Variants in PAIP2B observed in about 807,000 individuals in gnomAD.
PAIP2B encodes the protein polyadenylate-binding protein-interacting protein 2B.
Under a neutral mutation model 17.0 loss-of-function variants are expected in PAIP2B, and 13 were observed. That is an observed-to-expected ratio of 0.76 (90% CI 0.50 to 1.22). PAIP2B has a LOEUF of 1.22. Ranked by LOEUF, PAIP2B falls within the 50% of genes most tolerant of loss-of-function variation. The pLI is 0.00. For missense variants in PAIP2B, 117 were observed against 144.5 expected (o/e 0.81, Z 0.98); for synonymous variants, 43 against 48.7 (o/e 0.88, Z 0.48).
rs373094604 is a variant in PAIP2B, at chr2:71,188,373, G to A, written c.*106C>T. On this transcript the variant is annotated 3_prime_UTR_variant, in exon 4 of 4. Transcript: ENST00000244221. ...TTGTGAGACCACCACTCCCCTTCCC[G>A]CTGTGCACCCCTCGCCCGCCCCATC... 1.4e-5 allele frequency: 12 copies of A among 850,606 alleles called. No individual in the cohort carries two copies. Among genetic ancestry groups the A allele is most frequent in the Middle Eastern group, 2.6e-4 (1 of 3,816 alleles). The allele number at this position is 850,606 out of a possible 1,614,324, so 52.7% of individuals were successfully genotyped here. A position where few individuals can be genotyped will look rare whatever the true frequency, so the allele number is the denominator to read the frequency against.
chr2:71,190,072 C>T (rs1462514395), intron 2 of PAIP2B, 51 bp from the exon 3 acceptor site: 2 of 1,522,970 alleles, frequency 1.3e-6, no homozygotes, highest in Non-Finnish European at 1.8e-6. Flanking sequence ...CAAGACTTAC[C>T]CCTTCCAGTT....
At chr2:71,208,985 A>T (rs1419621217) in intron 1 of PAIP2B, among the ~76,000 whole-genome samples, 2 of 152,208 alleles carry the variant, frequency 1.3e-5, no homozygotes, top group Non-Finnish European at 1.5e-5. Flanking sequence ...TTAAGATACC[A>T]GTTTGTGGTA....
At chr2:71,196,440 T>C (rs1326706515) in intron 2 of PAIP2B, among the ~76,000 whole-genome samples, 1 of 152,210 alleles carries the variant, frequency 6.6e-6, no homozygotes, top group African/African-American at 2.4e-5. Flanking sequence ...ATGTGGTCAA[T>C]TTTAAAGTGT....
intron 2 of PAIP2B, among the ~76,000 whole-genome samples, chr2:71,198,988 T>C (rs561184296): frequency 3.9e-5 from 6 of 152,334 alleles, no homozygotes; most frequent in Non-Finnish European, 8.8e-5. Flanking sequence ...ACTGTGGAAA[T>C]GACAACGAAG....
At chr2:71,212,345 T>C (rs988761058) in intron 1 of PAIP2B, among the ~76,000 whole-genome samples, 1 of 152,192 alleles carries the variant, frequency 6.6e-6, no homozygotes, top group African/African-American at 2.4e-5. Flanking sequence ...GTCTATAACC[T>C]TGGAAGTTTC....
At chr2:71,219,218 C>T (rs939375556) in intron 1 of PAIP2B, among the ~76,000 whole-genome samples, 1 of 151,816 alleles carries the variant, frequency 6.6e-6, no homozygotes, top group African/African-American at 2.4e-5. Context: ...GCGTGAGCCA[C>T]CGCGCCCAGC....
chr2:71,201,876 TAGGATTA>T (rs1275384053), intron 2 of PAIP2B, among the ~76,000 whole-genome samples: 1 of 152,190 alleles, frequency 6.6e-6, no homozygotes, highest in African/African-American at 2.4e-5. Context: ...CTGGGCTTCC[TAGGATTA>T]AAGGCAGAAT....
chr2:71,199,738 A>G (rs969031423), intron 2 of PAIP2B, among the ~76,000 whole-genome samples: 7 of 152,090 alleles, frequency 4.6e-5, no homozygotes, highest in African/African-American at 1.7e-4. Flanking sequence ...CTCTCTTAAA[A>G]ATTCTAGCCA....
intron 2 of PAIP2B, among the ~76,000 whole-genome samples, chr2:71,193,226 C>T (rs189233907): frequency 2.0e-5 from 3 of 152,046 alleles, no homozygotes; most frequent in Admixed American, 1.3e-4. Flanking sequence ...GCTTGTTGGC[C>T]GTATGTATGT....
At chr2:71,192,591 C>T (rs527657739) in intron 2 of PAIP2B, among the ~76,000 whole-genome samples, 2 of 151,750 alleles carry the variant, frequency 1.3e-5, no homozygotes, top group South Asian at 2.1e-4. Context: ...TCTCTCTCCT[C>T]CCACCCACCC....
At chr2:71,201,534 C>T (rs1674985302) in intron 2 of PAIP2B, among the ~76,000 whole-genome samples, 2 of 152,056 alleles carry the variant, frequency 1.3e-5, no homozygotes, top group Non-Finnish European at 2.9e-5. Flanking sequence ...GAGGGTGCCA[C>T]CATGCCCAGC....
intron 2 of PAIP2B, among the ~76,000 whole-genome samples, chr2:71,192,553 A>G (rs1239987080): frequency 6.6e-6 from 1 of 152,130 alleles, no homozygotes; most frequent in African/African-American, 2.4e-5. Flanking sequence ...TATTAAGCTC[A>G]GTACCCAATA....
intron 1 of PAIP2B, among the ~76,000 whole-genome samples, chr2:71,226,367 G>A (rs919063146): frequency 7.2e-5 from 11 of 152,200 alleles, no homozygotes; most frequent in African/African-American, 2.7e-4. Flanking sequence ...CAAGGCACAA[G>A]AGAAGTGGCG....
At chr2:71,208,607 A>G (rs1268273530) in intron 1 of PAIP2B, among the ~76,000 whole-genome samples, 1 of 152,174 alleles carries the variant, frequency 6.6e-6, no homozygotes. Context: ...AAATATGTCC[A>G]TGTCCTAATC....
chr2:71,220,959 C>G (rs533589495), intron 1 of PAIP2B, among the ~76,000 whole-genome samples: 4 of 152,356 alleles, frequency 2.6e-5, no homozygotes, highest in African/African-American at 9.6e-5. Context: ...GAGAAGAAGT[C>G]TCATTTTCAG....
intron 3 of PAIP2B, among the ~76,000 whole-genome samples, chr2:71,189,461 A>C (rs1455601457): frequency 6.6e-6 from 1 of 152,266 alleles, no homozygotes; most frequent in African/African-American, 2.4e-5. Flanking sequence ...ATTTAGAAGT[A>C]TATTAAATAC....
chr2:71,220,050 A>T (rs1010069576), intron 1 of PAIP2B, among the ~76,000 whole-genome samples: 4 of 152,186 alleles, frequency 2.6e-5, no homozygotes, highest in African/African-American at 9.6e-5. Flanking sequence ...ATTTGGATGT[A>T]CCATAGTTTA....
intron 2 of PAIP2B, among the ~76,000 whole-genome samples, chr2:71,195,674 T>C (rs1435700100): frequency 6.6e-6 from 1 of 152,214 alleles, no homozygotes; most frequent in Non-Finnish European, 1.5e-5. Context: ...AGTCTCGCTC[T>C]GTCACCCAGG....
At chr2:71,189,006 T>G (rs918928928) in intron 3 of PAIP2B, among the ~76,000 whole-genome samples, 10 of 86,198 alleles carry the variant, frequency 1.2e-4, no homozygotes, top group Non-Finnish European at 2.2e-4. Context: ...CTCACAGACT[T>G]TTTTTTTTTT....
Sources: allele counts gnomAD v4.1 joint callset (sites outside exome capture counted in the v4.1 genomes callset), GRCh38; gene constraint gnomAD v4.1.1; transcripts MANE v1.5; gene names NCBI Gene and HGNC (gene_info 2026-07-23, HGNC 2026-07-21).